The following CROCC2 variants were observed in gnomAD, a reference collection of about 807,000 sequenced individuals.
The protein encoded by CROCC2 is ciliary rootlet coiled-coil protein 2.
CROCC2 carries 163 observed loss-of-function variants against 177.6 expected under a neutral mutation model. That is an observed-to-expected ratio of 0.92 (90% CI 0.81 to 1.05). The LOEUF (loss-of-function observed/expected upper bound fraction) is 1.05. Among genes scored for constraint, CROCC2 ranks in the 50% least tolerant of loss-of-function variants. The pLI is 0.00. For synonymous variants in CROCC2, 904 were observed against 787.3 expected, an observed-to-expected ratio of 1.15 and a Z score of -2.48; for missense variants, 1,929 against 1,797.8, an observed-to-expected ratio of 1.07 and a Z score of -1.32.
chr2:240,923,017 T>C (rs1192973311), intron 4 of CROCC2, among the ~76,000 whole-genome samples: 1 of 152,038 alleles, frequency 6.6e-6, no homozygotes, highest in East Asian at 1.9e-4. Context: ...CTCAGCAGCA[T>C]CCCTATTATA....
intron 20 of CROCC2, among the ~76,000 whole-genome samples, chr2:240,963,010 A>G (rs577366639): frequency 1.3e-5 from 2 of 152,304 alleles, no homozygotes; most frequent in South Asian, 4.1e-4. Flanking sequence ...GGGGGAAGGA[A>G]GGCCAAGGGA....
At chr2:240,940,853 C>A (rs1243723736) in intron 14 of CROCC2, among the ~76,000 whole-genome samples, 2 of 152,122 alleles carry the variant, frequency 1.3e-5, no homozygotes, top group Non-Finnish European at 2.9e-5. Context: ...CCGGAGCAAT[C>A]AGACAAGAGA....
chr2:240,968,025 C>A, intron 26 of CROCC2, 104 bp from the exon 27 acceptor site: 1 of 1,219,342 alleles, frequency 8.2e-7, no homozygotes, highest in Non-Finnish European at 1.1e-6. Context: ...GGACCCCCAC[C>A]TCCACGTGGG....
intron 14 of CROCC2, among the ~76,000 whole-genome samples, chr2:240,938,934 A>G (rs2059483250): frequency 6.6e-6 from 1 of 152,128 alleles, no homozygotes; most frequent in Non-Finnish European, 1.5e-5. Context: ...CTAAGGTTGT[A>G]TGTTTATATA....
At position 240,934,991 on chromosome 2, in the gene CROCC2, C is replaced by T. The variant is rs770028006; in HGVS notation, c.1867C>T (p.Leu623=). ...KSEGVEQRDS[L]AAMAALMEGL... ...GGAGGGAGTGGAGCAAAGGGACTCC[C>T]TGGCCGCAATGGCCGCCTTGATGGA... The change falls in exon 13 of 32, where the codon CTG becomes TTG. Residue 623 remains leucine (L), a synonymous_variant. Coordinates refer to ENST00000690015, the MANE Select transcript of CROCC2 (RefSeq NM_001351305.2). The T allele has an allele frequency of 6.9e-7, 1 of 1,459,496 alleles. No individual in the cohort carries two copies. Among genetic ancestry groups the T allele is most frequent in the East Asian group, 2.8e-5 (1 of 36,048 alleles). 90.4% of individuals were successfully genotyped at this position (1,459,496 alleles called of 1,614,324 possible).
chr2:240,930,433 T>G (rs1166324658), intron 6 of CROCC2, among the ~76,000 whole-genome samples, 164 bp downstream of exon 6: 1 of 151,816 alleles, frequency 6.6e-6, no homozygotes, highest in African/African-American at 2.4e-5. Context: ...GGCCGGCCAG[T>G]GGGAGCAGCG....
Position 240,953,386 on chromosome 2 carries a change from A to G in CROCC2, c.2830-2473A>G, listed in dbSNP as rs2059569415. On this transcript the variant is annotated intron_variant, in intron 18 of 31. Coordinates refer to ENST00000690015, the MANE Select transcript of CROCC2 (RefSeq NM_001351305.2). The surrounding 1 kb of genome is among the most constrained non-coding windows in gnomAD (Gnocchi z 4.0). ...CAGTGAGCGGAGATCACGCCACTGC[A>G]TTCCAGCCTGGGTGACAGAGTGAGA... 6.6e-6 allele frequency among the ~76,000 whole-genome samples: 1 copy of G among 151,156 alleles called. No homozygotes were observed. Among genetic ancestry groups the G allele is most frequent in the South Asian group, 2.1e-4 (1 of 4,786 alleles).
In CROCC2 at chr2:240,959,171, C is replaced by T. The variant is rs1285912437; in HGVS notation, c.2944-130C>T. On this transcript the variant is annotated intron_variant, in intron 19 of 31. Transcript: ENST00000690015. ...AGGGCCAGTTACCCCGGGGCTTGCA[C>T]GATCAGCAGGACCCGGCTCCCCCTC... 26 of 1,101,092 alleles carry T rather than the reference C, an allele frequency of 2.4e-5. 1 individual carries two copies. The highest frequency in any genetic ancestry group is 2.3e-4 in the South Asian group (13 of 56,010). The allele number at this position is 1,101,092 out of a possible 1,614,324, so 68.2% of individuals were successfully genotyped here. A position where few individuals can be genotyped will look rare whatever the true frequency, so the allele number is the denominator to read the frequency against.
chr2:240,930,180 C>A lies in CROCC2; in HGVS notation c.660C>A (p.Gly220=). 1.8e-6 allele frequency: 1 copy of A among 562,980 alleles called. No individual in the cohort carries two copies. Among genetic ancestry groups the A allele is most frequent in the Middle Eastern group, 2.7e-4 (1 of 3,684 alleles). 34.9% of individuals were successfully genotyped at this position (562,980 alleles called of 1,614,324 possible). Residue 220 remains glycine, a synonymous_variant, in exon 6 of 32, where the codon GGC becomes GGA. Coordinates refer to ENST00000690015, the MANE Select transcript of CROCC2 (RefSeq NM_001351305.2). The part of the protein sequence containing the change: ...RWAQRQTRSG[G]LGQPRDLLLL... ...CTTGCTTTCAGACCCGGTCAGGGGG[C>A]CTGGGGCAGCCCCGGGACCTCCTCC...
At chr2:240,971,366 C>T (rs769168230) in intron 27 of CROCC2, among the ~76,000 whole-genome samples, 4 of 152,216 alleles carry the variant, frequency 2.6e-5, no homozygotes, top group South Asian at 4.1e-4. Context: ...CAACATGTTA[C>T]CAGCTTTGGT....
At chr2:240,988,227 A>G (rs1246036329) in intron 28 of CROCC2, among the ~76,000 whole-genome samples, 1 of 152,162 alleles carries the variant, frequency 6.6e-6, no homozygotes, top group Non-Finnish European at 1.5e-5. Context: ...GCCTACAAGG[A>G]GGACAGACGG....
chr2:240,940,266 T>C (rs999619443), intron 14 of CROCC2, among the ~76,000 whole-genome samples: 1 of 152,228 alleles, frequency 6.6e-6, no homozygotes, highest in Non-Finnish European at 1.5e-5. Context: ...TTATTAGGTG[T>C]ATATATATTT....
chr2:240,926,701 G>C (rs1032687072), intron 5 of CROCC2, among the ~76,000 whole-genome samples: 4 of 152,240 alleles, frequency 2.6e-5, no homozygotes, highest in Admixed American at 1.3e-4. Flanking sequence ...TCCCAGAGGG[G>C]CCGCCACTCG....
chr2:240,932,831 A>G lies in CROCC2; in HGVS notation c.1174A>G (p.Ile392Val), dbSNP rs536527000. ...SPHQGASPPH[I>V]CSPATLDPAL... ...CCATCAAGGGGCGTCCCCACCACAC[A>G]TCTGCTCCCCAGCCACCCTGGACCC... Residue 392 changes from isoleucine to valine, a missense_variant, in exon 9 of 32, where the codon ATC becomes GTC. By Grantham distance (29) the Ile-to-Val change is conservative (BLOSUM62 3). Around this residue, in one of 3 missense-constraint regions of CROCC2, gnomAD observed 1,397 missense variants for 1,239.9 expected, o/e 1.13. Transcript: ENST00000690015. 1 of 1,544,332 alleles carries G rather than the reference A, an allele frequency of 6.5e-7. No individual in the cohort carries two copies. Among genetic ancestry groups the G allele is most frequent in the Non-Finnish European group, 8.7e-7 (1 of 1,143,706 alleles).
chr2:240,906,618 C>G (rs1021560981), intron 1 of CROCC2, 27 bp downstream of exon 1: 1 of 398,966 alleles, frequency 2.5e-6, no homozygotes, highest in Non-Finnish European at 4.4e-6. Flanking sequence ...CTTCCCTGCA[C>G]CCTCCTGAGA....
chr2:240,925,663 T>C, intron 4 of CROCC2, 61 bp from the exon 5 acceptor site: 1 of 644,610 alleles, frequency 1.6e-6, no homozygotes, highest in Admixed American at 2.6e-5. Flanking sequence ...TTGGGGACTC[T>C]GAGCGCCTCT....
intron 13 of CROCC2, 95 bp downstream of exon 13, chr2:240,935,157 A>G: frequency 7.7e-7 from 1 of 1,294,868 alleles, no homozygotes; most frequent in Admixed American, 3.6e-5. Flanking sequence ...ATCCTCCCAG[A>G]TCACTTCCTC....
intron 5 of CROCC2, among the ~76,000 whole-genome samples, chr2:240,927,012 G>A (rs532928293): frequency 6.6e-6 from 1 of 152,244 alleles, no homozygotes; most frequent in Non-Finnish European, 1.5e-5. Context: ...GGGTCCCTGA[G>A]CTCAGTTTGG....
At chr2:240,946,430 T>A (rs1299492370) in intron 15 of CROCC2, among the ~76,000 whole-genome samples, 177 bp downstream of exon 15, 2 of 152,192 alleles carry the variant, frequency 1.3e-5, no homozygotes, top group Admixed American at 1.3e-4. Flanking sequence ...GGGGAGGGCA[T>A]CTGGAAGAGG....
Sources: allele counts gnomAD v4.1 joint callset (sites outside exome capture counted in the v4.1 genomes callset), GRCh38; gene constraint gnomAD v4.1.1; regional missense constraint gnomAD v4.1.1; non-coding constraint Gnocchi (gnomAD v3.1); transcripts MANE v1.5; gene names NCBI Gene and HGNC (gene_info 2026-07-23, HGNC 2026-07-21).